Variants in PDE1A observed in about 807,000 individuals in gnomAD.
PDE1A encodes phosphodiesterase 1A, also known as dual specificity calcium/calmodulin-dependent 3',5'-cyclic nucleotide phosphodiesterase 1A.
PDE1A carries 35 observed loss-of-function variants against 61.7 expected under a neutral mutation model. The observed-to-expected ratio is 0.57, with a 90% CI of 0.43 to 0.75. PDE1A has a LOEUF of 0.75. Ranked by LOEUF, PDE1A falls within the 30% of genes least tolerant of loss-of-function variation. The probability of loss-of-function intolerance (pLI) is 0.00; values close to 1 mark genes in which losing one functional copy is unlikely to be tolerated. For synonymous variants in PDE1A, 232 were observed against 213.2 expected, an observed-to-expected ratio of 1.09 and a Z score of -0.77; for missense variants, 597 against 630.6, an observed-to-expected ratio of 0.95 and a Z score of 0.57.
Position 182,386,781 on chromosome 2 carries a change from G to A in PDE1A, c.53+39797C>T, listed in dbSNP as rs926716959. 4.0e-5 allele frequency among the ~76,000 whole-genome samples: 6 copies of A among 150,504 alleles called. No homozygotes were observed. The South Asian group carries it at 6.3e-4, about 16-fold the overall frequency. On this transcript the variant is annotated intron_variant, in intron 1 of 13. Coordinates refer to ENST00000351439, the Ensembl canonical transcript of PDE1A. Reference sequence around the variant, plus strand: ...AGGGCCAGCCCCCACCCGGCCAGCCGCCCTGTCTGGGAGGGAGGTGGGGGG... The same window carrying A: ...AGGGCCAGCCCCCACCCGGCCAGCCACCCTGTCTGGGAGGGAGGTGGGGGG...
chr2:182,704,591 A>C, the PDE1A span, among the ~76,000 whole-genome samples: 2 of 152,226 alleles, frequency 1.3e-5, no homozygotes, highest in African/African-American at 4.8e-5. Context: ...ATAAATTTAA[A>C]ATGTTTATTA....
intron 2 of PDE1A, among the ~76,000 whole-genome samples, chr2:182,251,669 A>C (rs938682812): frequency 2.6e-4 from 39 of 152,236 alleles, no homozygotes; most frequent in Admixed American, 2.0e-4. Context: ...CTCTATACCA[A>C]GAAAATACGA....
intron 1 of PDE1A, among the ~76,000 whole-genome samples, chr2:182,342,669 C>T (rs534835350): frequency 5.9e-5 from 9 of 152,264 alleles, no homozygotes; most frequent in African/African-American, 1.4e-4. Flanking sequence ...GGCAACAAAG[C>T]GAGACTCCGT....
chr2:182,271,993 T>C (rs2125819719), intron 1 of PDE1A, among the ~76,000 whole-genome samples: 1 of 152,206 alleles, frequency 6.6e-6, no homozygotes, highest in South Asian at 2.1e-4. Context: ...TTAACACTAA[T>C]AATTTACATG....
upstream of PDE1A, chr2:182,427,058 A>G: frequency 1.0e-5 from 10 of 983,142 alleles, no homozygotes; most frequent in Non-Finnish European, 1.2e-5. Flanking sequence ...CCCTGTCTTT[A>G]AAACAGACTG....
At chr2:182,596,720 A>ATGGGG in the PDE1A span, among the ~76,000 whole-genome samples, 3 of 120,420 alleles carry the variant, frequency 2.5e-5, no homozygotes, top group South Asian at 7.9e-4. Context: ...GATGGATGGG[A>ATGGGG]AAAATGCAAG....
At chr2:182,644,222 G>A in the PDE1A span, among the ~76,000 whole-genome samples, 1 of 137,544 alleles carries the variant, frequency 7.3e-6, no homozygotes, top group African/African-American at 2.7e-5. Context: ...CTTAAATCTG[G>A]GCTTTTACTT....
upstream of PDE1A, among the ~76,000 whole-genome samples, chr2:182,427,299 C>T (rs1703682470): frequency 6.6e-6 from 1 of 152,120 alleles, no homozygotes; most frequent in African/African-American, 2.4e-5. Context: ...ATTTTTAGCA[C>T]TTATAATCTA....
intron 2 of PDE1A, among the ~76,000 whole-genome samples, chr2:182,494,821 A>G (rs1259166225): frequency 1.3e-5 from 2 of 152,170 alleles, no homozygotes; most frequent in Non-Finnish European, 2.9e-5. Context: ...TAGGAGAAAC[A>G]GCACACTTTT....
In PDE1A at chr2:182,227,717, G is replaced by T. The variant is rs1452208879; in HGVS notation, c.675+2289C>A. Among the ~76,000 whole-genome samples, 3 of 152,034 alleles carry T rather than the reference G, an allele frequency of 2.0e-5. No individual in the cohort carries two copies. In the East Asian group the frequency reaches 5.8e-4, roughly 29 times the overall value. Reference sequence around the variant, plus strand: ...ATGTAGAGCTAGTGAATTAGAAAGTGGTGGGGCATGGTTTTAAACTCGTGT... The same window carrying T: ...ATGTAGAGCTAGTGAATTAGAAAGTTGTGGGGCATGGTTTTAAACTCGTGT... On this transcript the variant is annotated intron_variant, in intron 6 of 13. Coordinates refer to ENST00000351439, the Ensembl canonical transcript of PDE1A.
At chr2:182,278,629 C>T in intron 1 of PDE1A, among the ~76,000 whole-genome samples, 1 of 151,872 alleles carries the variant, frequency 6.6e-6, no homozygotes, top group East Asian at 1.9e-4. Context: ...TTCAAAATTA[C>T]ATGGATACTT....
intron 13 of PDE1A, 89 bp downstream of exon 13, chr2:182,185,800 TAGA>T: frequency 6.3e-7 from 1 of 1,581,982 alleles, no homozygotes; most frequent in East Asian, 2.3e-5. Flanking sequence ...ACATATTCTA[TAGA>T]AGAAGAAATC....
At chr2:182,448,867 T>C (rs1450138890) in intron 2 of PDE1A, among the ~76,000 whole-genome samples, 1 of 152,062 alleles carries the variant, frequency 6.6e-6, no homozygotes, top group African/African-American at 2.4e-5. Flanking sequence ...ATTATTTGGT[T>C]CAGACTCTAT....
intron 2 of PDE1A, among the ~76,000 whole-genome samples, chr2:182,492,487 T>C (rs1300764785): frequency 1.3e-5 from 2 of 152,306 alleles, no homozygotes; most frequent in East Asian, 1.9e-4. Context: ...AATCTAAACA[T>C]CACATAAAAT....
At chr2:182,150,267 T>C (rs958937265) in intron 13 of PDE1A, among the ~76,000 whole-genome samples, 9 of 152,186 alleles carry the variant, frequency 5.9e-5, no homozygotes, top group Non-Finnish European at 7.4e-5. Context: ...TCTATATAAC[T>C]CTGGATTAAA....
chr2:182,148,848 A>G (rs1425721169), intron 13 of PDE1A, among the ~76,000 whole-genome samples: 1 of 152,168 alleles, frequency 6.6e-6, no homozygotes, highest in East Asian at 1.9e-4. Context: ...TTTGAGGTGA[A>G]GAAGGAAGCA....
intron 13 of PDE1A, among the ~76,000 whole-genome samples, chr2:182,154,303 CA>C (rs1335266604): frequency 1.3e-5 from 2 of 152,046 alleles, no homozygotes; most frequent in Non-Finnish European, 2.9e-5. Flanking sequence ...AAAACAAAAA[CA>C]AAAAATCCTG....
chr2:182,174,753 T>C (rs1447463287), intron 13 of PDE1A, among the ~76,000 whole-genome samples: 2 of 151,776 alleles, frequency 1.3e-5, no homozygotes, highest in African/African-American at 2.4e-5. Flanking sequence ...TTTTATTTTA[T>C]TTTTATTATA....
chr2:182,589,759 T>G, the PDE1A span, among the ~76,000 whole-genome samples: 1 of 152,234 alleles, frequency 6.6e-6, no homozygotes, highest in Non-Finnish European at 1.5e-5. Context: ...CATTTAAGAA[T>G]GCTCATAAAT....
Sources: allele counts gnomAD v4.1 joint callset (sites outside exome capture counted in the v4.1 genomes callset), GRCh38; gene constraint gnomAD v4.1.1; transcripts MANE v1.5; gene names NCBI Gene and HGNC (gene_info 2026-07-23, HGNC 2026-07-21).